CCDC15: variants seen among roughly 807,000 people sequenced by gnomAD.
CCDC15 encodes the protein coiled-coil domain containing 15.
In CCDC15, 105 loss-of-function variants were observed where a neutral mutation model predicts 114.5. The ratio of observed to expected loss-of-function variants is 0.92; its 90% CI spans 0.78 to 1.08. The LOEUF (loss-of-function observed/expected upper bound fraction) is 1.08, where lower values mean the gene tolerates loss of function less well. Among genes scored for constraint, CCDC15 ranks in the 50% least tolerant of loss-of-function variants. The pLI is 0.00. For synonymous variants in CCDC15, 334 were observed against 377.8 expected (o/e 0.88, Z 1.34); for missense variants, 1,105 against 1,093.6 (o/e 1.01, Z -0.15).
At chr11:124,988,184 G>C in intron 8 of CCDC15, 50 bp downstream of exon 8, 1 of 1,539,686 alleles carries the variant, frequency 6.5e-7, no homozygotes, top group Non-Finnish European at 8.8e-7. Flanking sequence ...AGCTACTTAG[G>C]GTTTGAGGAG....
At chr11:124,977,797 G>C (rs1245000660) in intron 6 of CCDC15, among the ~76,000 whole-genome samples, 197 bp downstream of exon 6, 1 of 151,812 alleles carries the variant, frequency 6.6e-6, no homozygotes, top group African/African-American at 2.4e-5. Context: ...GTTTGCACAG[G>C]GTTGTGCAAC....
rs568106879 is a variant in CCDC15 at position 125,029,991 on chromosome 11, A to T, written c.2412-8440A>T. ...TTTTTTAGCCTATTGACTTAAAGGT[A>T]GGAGGAGCCCAAATTGTCCAGGTAG... On this transcript the variant is annotated intron_variant, in intron 13 of 15. Transcript: ENST00000344762. Among the ~76,000 whole-genome samples the T allele has an allele frequency of 1.6e-3, 243 of 152,312 alleles. 1 individual carries two copies. Among genetic ancestry groups the T allele is most frequent in the Middle Eastern group, 3.4e-3 (1 of 294 alleles).
chr11:124,974,991 G>A, intron 4 of CCDC15, 105 bp from the exon 5 acceptor site: 2 of 598,280 alleles, frequency 3.3e-6, no homozygotes, highest in Non-Finnish European at 5.7e-6. Context: ...CTTAGATCTG[G>A]CATTTTTTAA....
At chr11:125,006,492 T>G (rs1948552654) in intron 13 of CCDC15, among the ~76,000 whole-genome samples, 1 of 152,230 alleles carries the variant, frequency 6.6e-6, no homozygotes, top group African/African-American at 2.4e-5. Context: ...TCTTCTCATC[T>G]GTTGACAGTA....
intron 13 of CCDC15, 149 bp from the exon 14 acceptor site, chr11:125,038,282 G>A: frequency 1.9e-6 from 1 of 522,690 alleles, no homozygotes; most frequent in Non-Finnish European, 3.3e-6. Context: ...AAAGCAGCCA[G>A]CAGAAATTTT....
At position 124,968,468 on chromosome 11, in the gene CCDC15, C is replaced by T. The variant is rs569933803; in HGVS notation, c.517-6628C>T. 3.3e-5 allele frequency among the ~76,000 whole-genome samples: 5 copies of T among 152,210 alleles called. No homozygotes were observed. In the East Asian group the frequency reaches 5.8e-4, roughly 18 times the overall value. On this transcript the variant is annotated intron_variant, in intron 4 of 15. Transcript: ENST00000344762. ...GGTGTGGGACCTGCCAAGCCAGGTG[C>T]GGGGTATAATCTCTTGGTGTGCCAT...
At position 124,987,599 on chromosome 11, in the gene CCDC15, A is replaced by C. The variant is rs113451248; in HGVS notation, c.1373A>C (p.His458Pro). ...DFLPRDQHVL[H>P]KDQDILPKYQ... is the part of the protein sequence containing the mutation. ...CTACCCAGAGACCAGCATGTTCTCC[A>C]CAAAGACCAAGATATTCTGCCAAAA... The change falls in exon 8 of 16, where the codon CAC becomes CCC. Residue 458 changes from histidine (H) to proline (P), a missense_variant. His to Pro is a moderately conservative substitution (Grantham distance 77). Coordinates refer to ENST00000344762, the MANE Select transcript of CCDC15 (RefSeq NM_025004.3). 3.3e-4 allele frequency: 529 copies of C among 1,611,364 alleles called. 8 individuals carry two copies. In the East Asian group the frequency reaches 9.4e-3, roughly 29 times the overall value.
chr11:125,030,869 C>T (rs1332425252), intron 13 of CCDC15, among the ~76,000 whole-genome samples: 1 of 152,126 alleles, frequency 6.6e-6, no homozygotes, highest in Non-Finnish European at 1.5e-5. Flanking sequence ...GTCATCCTAT[C>T]CACTTGATTA....
At chr11:124,986,395 G>A (rs1447402135) in intron 6 of CCDC15, among the ~76,000 whole-genome samples, 1 of 152,198 alleles carries the variant, frequency 6.6e-6, no homozygotes, top group East Asian at 1.9e-4. Context: ...GAAAAGCCAA[G>A]TGGCATTTTG....
chr11:124,977,565 G>T lies in CCDC15; in HGVS notation c.718G>T (p.Ala240Ser). The T allele has an allele frequency of 6.2e-7, 1 of 1,609,096 alleles. No individual in the cohort carries two copies. The highest frequency in any genetic ancestry group is 8.5e-7 in the Non-Finnish European group (1 of 1,177,556). Residue 240 changes from alanine (A) to serine (S), a missense_variant, in exon 6 of 16, where the codon GCT becomes TCT. Coordinates refer to ENST00000344762, the MANE Select transcript of CCDC15 (RefSeq NM_025004.3). ...LPIKVHQGLL[A>S]AVPYQNYMEN... ...CATTAAGGTCCATCAAGGTCTTTTA[G>T]CTGCTGTACCTTACCAGAATTATAT...
At chr11:124,972,064 T>G (rs1947893163) in intron 4 of CCDC15, among the ~76,000 whole-genome samples, 1 of 152,238 alleles carries the variant, frequency 6.6e-6, no homozygotes, top group South Asian at 2.1e-4. Flanking sequence ...GAGTAAACTA[T>G]GATTATGTTT....
chr11:124,995,773 C>G (rs1352607323), intron 11 of CCDC15, among the ~76,000 whole-genome samples: 1 of 151,948 alleles, frequency 6.6e-6, no homozygotes, highest in African/African-American at 2.4e-5. Flanking sequence ...TGATCTGAAT[C>G]TCTTCTTGTC....
chr11:125,013,642 A>G (rs1948610656), intron 13 of CCDC15, among the ~76,000 whole-genome samples: 1 of 152,160 alleles, frequency 6.6e-6, no homozygotes, highest in Admixed American at 6.5e-5. Context: ...CTTCTTAGAT[A>G]ATTGAATGAA....
In CCDC15 at chr11:124,986,728, GT is replaced by G. The variant is rs769112544; in HGVS notation, c.754-7del. 17 of 1,493,822 alleles carry G rather than the reference GT, an allele frequency of 1.1e-5. No homozygotes were observed. The highest frequency in any genetic ancestry group is 1.1e-4 in the South Asian group (9 of 80,828). The allele number at this position is 1,493,822 out of a possible 1,614,324, so 92.5% of individuals were successfully genotyped here. Reference sequence around the variant, plus strand: ...GCGCGCGCGCGTGCGCGTTTTCATTGTTTTTTTCTTTAGGAACTTGACTATG... The same window carrying G: ...GCGCGCGCGCGTGCGCGTTTTCATTGTTTTTTCTTTAGGAACTTGACTATG... On this transcript the variant is annotated splice_polypyrimidine_tract_variant and intron_variant, in intron 6 of 15. Coordinates refer to ENST00000344762, the MANE Select transcript of CCDC15 (RefSeq NM_025004.3).
intron 4 of CCDC15, among the ~76,000 whole-genome samples, chr11:124,965,538 C>A (rs1370473346): frequency 2.0e-5 from 3 of 152,006 alleles, no homozygotes; most frequent in Non-Finnish European, 4.4e-5. Context: ...CTCTTTTCTT[C>A]TTTATTAATC....
Position 125,032,301 on chromosome 11 carries a change from A to G in CCDC15, c.2412-6130A>G, listed in dbSNP as rs142510627. Among the ~76,000 whole-genome samples, 543 of 152,364 alleles carry G rather than the reference A, an allele frequency of 3.6e-3. 4 individuals are homozygous for G. The highest frequency in any genetic ancestry group is 0.011 in the South Asian group (51 of 4,830). On this transcript the variant is annotated intron_variant, in intron 13 of 15. Transcript: ENST00000344762. ...TGCTGGCCTTGCCAGCTGAAGGCAA[A>G]TTGATTCTGTTGGACCTTATGCACA...
intron 13 of CCDC15, among the ~76,000 whole-genome samples, chr11:125,006,247 T>A (rs1948551033): frequency 6.6e-6 from 1 of 152,172 alleles, no homozygotes; most frequent in Admixed American, 6.5e-5. Context: ...GTATTTTGGA[T>A]TTTGGCCATT....
rs191739938 is a variant in CCDC15, at chr11:125,015,843, A to G, written c.2411+10631A>G. The stretch of plus-strand genomic sequence containing the variant: ...AAGCCTCAAGTGAAATATTGGCACA[A>G]TGATCTTTGAGGGGCACTGCTGCAG... On this transcript the variant is annotated intron_variant, in intron 13 of 15. Coordinates refer to ENST00000344762, the MANE Select transcript of CCDC15 (RefSeq NM_025004.3). Among the ~76,000 whole-genome samples the G allele has an allele frequency of 3.5e-4, 53 of 152,288 alleles. 2 individuals carry two copies. Among genetic ancestry groups the G allele is most frequent in the South Asian group, 2.9e-3 (14 of 4,826 alleles).
At chr11:124,991,894 G>T (rs2135492662) in intron 9 of CCDC15, among the ~76,000 whole-genome samples, 1 of 152,276 alleles carries the variant, frequency 6.6e-6, no homozygotes, top group South Asian at 2.1e-4. Context: ...ATGTTGGCCA[G>T]GCGGGTCTCG....
Sources: allele counts gnomAD v4.1 joint callset (sites outside exome capture counted in the v4.1 genomes callset), GRCh38; gene constraint gnomAD v4.1.1; transcripts MANE v1.5; gene names NCBI Gene and HGNC (gene_info 2026-07-23, HGNC 2026-07-21).